HECW2: variants seen among roughly 807,000 people sequenced by gnomAD.
HECW2 encodes the protein HECT, C2 and WW domain containing E3 ubiquitin protein ligase 2.
In HECW2, 61 loss-of-function variants were observed where a neutral mutation model predicts 175.2. The ratio of observed to expected loss-of-function variants is 0.35; its 90% confidence interval spans 0.28 to 0.43. The LOEUF is 0.43. HECW2 is among the 20% of genes least tolerant of loss of function. The pLI, the probability that HECW2 is intolerant of heterozygous loss-of-function variation, is 1.00. For synonymous variants in HECW2, 671 were observed against 731.0 expected, an observed-to-expected ratio of 0.92 and a Z score of 1.32; for missense variants, 1,524 against 2,000.5, an observed-to-expected ratio of 0.76 and a Z score of 4.54.
intron 1 of HECW2, among the ~76,000 whole-genome samples, chr2:196,447,306 CACAACGATGAACTGAAG>C (rs1696215407): frequency 6.6e-6 from 1 of 152,134 alleles, no homozygotes; most frequent in Admixed American, 6.5e-5. Flanking sequence ...AAAAGTATCA[CACAACGATGAACTGAAG>C]ACGTAAAATT....
chr2:196,324,831 TG>T (rs1470084465), intron 6 of HECW2, 148 bp downstream of exon 6: 1 of 515,186 alleles, frequency 1.9e-6, no homozygotes, highest in Non-Finnish European at 3.3e-6. Flanking sequence ...TCTGGAGAGA[TG>T]GGAATAGCTC....
chr2:196,225,010 TGGCC>T (rs1687798666), intron 23 of HECW2, among the ~76,000 whole-genome samples: 1 of 152,228 alleles, frequency 6.6e-6, no homozygotes, highest in Non-Finnish European at 1.5e-5. Context: ...AGCAAGTGCG[TGGCC>T]TCAGTTAGGG....
At chr2:196,324,893 C>T in intron 6 of HECW2, 87 bp downstream of exon 6, 1 of 1,143,790 alleles carries the variant, frequency 8.7e-7, no homozygotes, top group Non-Finnish European at 1.2e-6. Flanking sequence ...TCATAAACAA[C>T]CTGAGGGATG....
At chr2:196,518,146 C>T (rs1039723526) in intron 1 of HECW2, among the ~76,000 whole-genome samples, 19 of 152,062 alleles carry the variant, frequency 1.2e-4, no homozygotes, top group South Asian at 2.1e-4. Flanking sequence ...ATTTTTCCTC[C>T]TTTCTTCTGT....
chr2:196,374,641 G>A (rs1216359792), intron 2 of HECW2, among the ~76,000 whole-genome samples: 1 of 152,156 alleles, frequency 6.6e-6, no homozygotes, highest in African/African-American at 2.4e-5. Flanking sequence ...TATTTGTACT[G>A]TGGATTTATG....
At chr2:196,466,060 C>A (rs184540483) in intron 1 of HECW2, among the ~76,000 whole-genome samples, 1 of 152,310 alleles carries the variant, frequency 6.6e-6, no homozygotes, top group Non-Finnish European at 1.5e-5. Context: ...TTAGAAACGA[C>A]CATATTTACC....
rs568347367 is a variant in HECW2 at position 196,318,596 on chromosome 2, C to T, written c.2294G>A (p.Gly765Asp). ...CTGGGCAGTTGCCCCTTCACAGGTG[C>T]CTTGGGCCTCCCCAGCACTGCCTTC... is the stretch of plus-strand genomic sequence containing the variant. ...QEEGSAGEAQ[G>D]TCEGATAQEE... is the part of the protein sequence containing the mutation. The change falls in exon 9 of 29, where the codon GGC (glycine) becomes GAC (aspartate). Residue 765 changes from glycine (G) to aspartate (D), a missense_variant. Physicochemically the swap from Gly to Asp is moderately conservative, Grantham distance 94. This residue lies in a region of HECW2 where 604 missense variants were observed against 588.3 expected (regional missense o/e 1.03). Coordinates refer to ENST00000644978, the MANE Select transcript of HECW2 (RefSeq NM_001348768.2). 1.4e-4 allele frequency: 220 copies of T among 1,548,084 alleles called. 4 individuals are homozygous for T. In the South Asian group the frequency reaches 2.5e-3, roughly 17 times the overall value.
At chr2:196,366,021 C>T (rs1693734373) in intron 2 of HECW2, among the ~76,000 whole-genome samples, 2 of 152,190 alleles carry the variant, frequency 1.3e-5, no homozygotes, top group South Asian at 4.1e-4. Context: ...CAATAACTAC[C>T]TACCATTCAC....
At chr2:196,505,907 G>A (rs148073967) in intron 1 of HECW2, among the ~76,000 whole-genome samples, 227 of 152,312 alleles carry the variant, frequency 1.5e-3, no homozygotes, top group Non-Finnish European at 2.3e-3. Context: ...GGGAGGTAGG[G>A]CTGGGAACAG....
chr2:196,566,132 A>C (rs1464609793), intron 1 of HECW2, among the ~76,000 whole-genome samples: 1 of 152,170 alleles, frequency 6.6e-6, no homozygotes, highest in Non-Finnish European at 1.5e-5. Flanking sequence ...AGGAAAAAAA[A>C]AACTAACTAA....
chr2:196,426,503 T>A (rs1695551156), intron 2 of HECW2, among the ~76,000 whole-genome samples: 1 of 152,308 alleles, frequency 6.6e-6, no homozygotes, highest in East Asian at 1.9e-4. Flanking sequence ...ATTAGTGATG[T>A]TGATTTTTTT....
chr2:196,372,543 T>C (rs1011023232), intron 2 of HECW2, among the ~76,000 whole-genome samples: 4 of 152,186 alleles, frequency 2.6e-5, no homozygotes, highest in Non-Finnish European at 5.9e-5. Flanking sequence ...CCTGGAAGTA[T>C]GAATCTGTGC....
chr2:196,415,670 T>C (rs1695236397), intron 2 of HECW2, among the ~76,000 whole-genome samples: 1 of 152,174 alleles, frequency 6.6e-6, no homozygotes, highest in South Asian at 2.1e-4. Flanking sequence ...CCAGGCACCT[T>C]TGGTTGGAGA....
At chr2:196,361,099 A>G (rs1693571754) in intron 2 of HECW2, among the ~76,000 whole-genome samples, 3 of 152,188 alleles carry the variant, frequency 2.0e-5, no homozygotes, top group African/African-American at 7.2e-5. Flanking sequence ...TATAAAACTA[A>G]CTTGTAAGGA....
intron 18 of HECW2, among the ~76,000 whole-genome samples, chr2:196,255,119 C>T (rs1415089880): frequency 2.8e-5 from 4 of 144,724 alleles, no homozygotes; most frequent in East Asian, 2.0e-4. Context: ...ACTACAGGTG[C>T]GAGTCACCAC....
chr2:196,353,245 T>G (rs1693237650), intron 2 of HECW2, among the ~76,000 whole-genome samples: 2 of 152,176 alleles, frequency 1.3e-5, no homozygotes, highest in African/African-American at 4.8e-5. Flanking sequence ...AATTCCTCCC[T>G]TCAATTTTGT....
intron 1 of HECW2, among the ~76,000 whole-genome samples, chr2:196,519,019 T>C (rs1688249961): frequency 1.3e-5 from 2 of 152,232 alleles, no homozygotes; most frequent in Non-Finnish European, 2.9e-5. Context: ...ACTTCAGAAC[T>C]GGAATTGTTT....
intron 28 of HECW2, among the ~76,000 whole-genome samples, chr2:196,202,726 A>G (rs1365245757): frequency 3.3e-5 from 5 of 152,354 alleles, no homozygotes; most frequent in Middle Eastern, 3.4e-3. Flanking sequence ...GTGTGTGGCC[A>G]CATGGCTTAT....
intron 28 of HECW2, among the ~76,000 whole-genome samples, chr2:196,202,350 T>C (rs900155389): frequency 1.3e-5 from 2 of 152,210 alleles, no homozygotes; most frequent in African/African-American, 4.8e-5. Context: ...TAATTAATAT[T>C]CCTGGATGCA....
Sources: gnomAD v4.1 joint callset for allele counts (sites outside exome capture counted in the v4.1 genomes callset) on GRCh38, gnomAD v4.1.1 for gene constraint, gnomAD v4.1.1 regional missense constraint, MANE v1.5 for transcripts, NCBI Gene and HGNC (gene_info 2026-07-23, HGNC 2026-07-21) for gene names.